OLFM2: variants seen among roughly 807,000 people sequenced by gnomAD.
The protein encoded by OLFM2 is noelin-2.
Under a neutral mutation model 43.9 loss-of-function variants are expected in OLFM2, and 20 were observed. The ratio of observed to expected loss-of-function variants is 0.46; its 90% CI spans 0.32 to 0.66. The LOEUF (loss-of-function observed/expected upper bound fraction) is 0.66. Among genes scored for constraint, OLFM2 ranks in the 30% least tolerant of loss-of-function variants. OLFM2 has a pLI of 0.04. For synonymous variants in OLFM2, 268 were observed against 278.6 expected, an observed-to-expected ratio of 0.96 and a Z score of 0.38; for missense variants, 416 against 643.6, an observed-to-expected ratio of 0.65 and a Z score of 3.83.
intron 1 of OLFM2, among the ~76,000 whole-genome samples, chr19:9,861,158 CCA>C (rs2046363061): frequency 6.6e-6 from 1 of 151,946 alleles, no homozygotes; most frequent in Non-Finnish European, 1.5e-5. Context: ...CTTCCCCAGC[CCA>C]CAGTGACATA....
intron 1 of OLFM2, among the ~76,000 whole-genome samples, chr19:9,891,097 T>C (rs908877493): frequency 1.3e-5 from 2 of 152,080 alleles, no homozygotes; most frequent in African/African-American, 4.8e-5. Flanking sequence ...GCAGATCACC[T>C]GAGGTCAGGA....
intron 1 of OLFM2, among the ~76,000 whole-genome samples, chr19:9,895,164 C>T (rs573831221): frequency 1.1e-4 from 17 of 152,222 alleles, no homozygotes; most frequent in African/African-American, 4.1e-4. Flanking sequence ...ATCTCTATCA[C>T]CATGCAATGG....
At chr19:9,886,103 G>GAA (rs71297593) in intron 1 of OLFM2, among the ~76,000 whole-genome samples, 18,264 of 148,414 alleles carry the variant, frequency 0.12, 1,294 homozygotes, top group African/African-American at 0.19. Flanking sequence ...TCTCAAAAAA[G>GAA]AAAAAAAAAA....
intron 1 of OLFM2, among the ~76,000 whole-genome samples, chr19:9,882,096 A>C (rs1228149766): frequency 6.6e-6 from 1 of 151,838 alleles, no homozygotes; most frequent in Non-Finnish European, 1.5e-5. Flanking sequence ...AAAATTAGCC[A>C]GGTGTGGTGG....
Position 9,867,624 on chromosome 19 carries a change from C to CT in OLFM2, c.64-6831dup, listed in dbSNP as rs1276848648. 3.3e-5 allele frequency among the ~76,000 whole-genome samples: 5 copies of CT among 152,242 alleles called. No individual in the cohort carries two copies. The East Asian group carries it at 9.6e-4, about 29-fold the overall frequency. Reference sequence around the variant, plus strand: ...GCCCTGCCTTGTTCCAGAGAGGACTCTAAGTGGTTTACAAGGATATGTAAA... The same window carrying CT: ...GCCCTGCCTTGTTCCAGAGAGGACTCTTAAGTGGTTTACAAGGATATGTAAA... On this transcript the variant is annotated intron_variant, in intron 1 of 5. Transcript: ENST00000264833.
In OLFM2 at chr19:9,857,137, G is replaced by A; in HGVS notation, c.580+126C>T. The A allele has an allele frequency of 1.0e-6, 1 of 987,796 alleles. No homozygotes were observed. The highest frequency in any genetic ancestry group is 1.6e-6 in the Non-Finnish European group (1 of 637,666). The allele number at this position is 987,796 out of a possible 1,614,324, so 61.2% of individuals were successfully genotyped here. ...ACTCAAGTGTAGCCTTAGGTAGGAAGGTCAAGGGTTGAGGTTTAAAAGTTA... is the reference window on the plus strand; with the variant it reads ...ACTCAAGTGTAGCCTTAGGTAGGAAAGTCAAGGGTTGAGGTTTAAAAGTTA... On this transcript the variant is annotated intron_variant, in intron 4 of 5. Transcript: ENST00000264833. This position sits in a 1 kb window ranked among gnomAD's most constrained non-coding sequence, Gnocchi z 5.7.
intron 1 of OLFM2, among the ~76,000 whole-genome samples, chr19:9,905,624 CAAAAA>C (rs55683294): frequency 1.3e-5 from 1 of 75,748 alleles, no homozygotes; most frequent in Non-Finnish European, 2.9e-5. Flanking sequence ...GACTCCATCT[CAAAAA>C]AAAAAAAAAA....
Position 9,860,628 on chromosome 19 carries a change from A to T in OLFM2, c.213+17T>A. 1 of 1,569,638 alleles carries T rather than the reference A, an allele frequency of 6.4e-7. No homozygotes were observed. The highest frequency in any genetic ancestry group is 8.6e-7 in the Non-Finnish European group (1 of 1,156,674). ...AGATTTTCCCAGCTGCCCCCAGGGT[A>T]CCTGGAAGGTTCTCACCTTCTCCAT... On this transcript the variant is annotated intron_variant, in intron 2 of 5. Transcript: ENST00000264833.
At chr19:9,905,432 G>A (rs940669889) in intron 1 of OLFM2, among the ~76,000 whole-genome samples, 2 of 151,918 alleles carry the variant, frequency 1.3e-5, no homozygotes, top group Non-Finnish European at 2.9e-5. Context: ...ATTCCAGCCT[G>A]GGCAACAGAG....
At chr19:9,913,156 T>C (rs2046842356) in intron 1 of OLFM2, among the ~76,000 whole-genome samples, 1 of 152,134 alleles carries the variant, frequency 6.6e-6, no homozygotes, top group Non-Finnish European at 1.5e-5. Flanking sequence ...TCTGCAGCCC[T>C]TGTCGCCTCC....
At chr19:9,922,756 A>G (rs1431913536) in intron 1 of OLFM2, among the ~76,000 whole-genome samples, 1 of 151,058 alleles carries the variant, frequency 6.6e-6, no homozygotes. Flanking sequence ...CGTCTCTACA[A>G]AAAAATTCGC....
chr19:9,917,532 C>A (rs991142107), intron 1 of OLFM2, among the ~76,000 whole-genome samples: 8 of 152,104 alleles, frequency 5.3e-5, no homozygotes, highest in African/African-American at 1.9e-4. Flanking sequence ...CCTGTGTCTG[C>A]TTGGGGTGGA....
intron 1 of OLFM2, among the ~76,000 whole-genome samples, chr19:9,863,725 T>C (rs1435906384): frequency 6.6e-6 from 1 of 151,006 alleles, no homozygotes; most frequent in Non-Finnish European, 1.5e-5. Flanking sequence ...CCTTTTTCTC[T>C]CCCACTCAAT....
intron 1 of OLFM2, among the ~76,000 whole-genome samples, chr19:9,904,602 A>C (rs1189972053): frequency 1.3e-5 from 2 of 151,878 alleles, no homozygotes; most frequent in Non-Finnish European, 2.9e-5. Context: ...GGCAAGCAGA[A>C]GTGGGGTTGA....
At chr19:9,899,929 T>A (rs1392798239) in intron 1 of OLFM2, among the ~76,000 whole-genome samples, 1 of 152,072 alleles carries the variant, frequency 6.6e-6, no homozygotes, top group African/African-American at 2.4e-5. Flanking sequence ...TTTATTTGTT[T>A]GTTATTGATC....
chr19:9,906,299 CA>C (rs568308970), intron 1 of OLFM2, among the ~76,000 whole-genome samples: 1,955 of 151,542 alleles, frequency 0.013, 33 homozygotes, highest in African/African-American at 0.045. Context: ...TGCGGGCACA[CA>C]GGGTGGGGGA....
At chr19:9,869,968 GACTGCTCTTGA>G (rs955665638) in intron 1 of OLFM2, among the ~76,000 whole-genome samples, 4 of 152,026 alleles carry the variant, frequency 2.6e-5, no homozygotes, top group African/African-American at 9.6e-5. Context: ...GTGCTGCCCA[GACTGCTCTTGA>G]ACTCCTGGCC....
At chr19:9,884,524 C>G (rs1229148086) in intron 1 of OLFM2, among the ~76,000 whole-genome samples, 1 of 152,124 alleles carries the variant, frequency 6.6e-6, no homozygotes, top group African/African-American at 2.4e-5. Flanking sequence ...TTGCACTGAG[C>G]CGAGATTGTG....
intron 1 of OLFM2, among the ~76,000 whole-genome samples, chr19:9,927,065 C>T (rs544665366): frequency 2.6e-4 from 40 of 152,120 alleles, no homozygotes; most frequent in African/African-American, 4.1e-4. Context: ...AGGCAGATCA[C>T]GAGGTCAGGA....
Sources: allele counts gnomAD v4.1 joint callset (sites outside exome capture counted in the v4.1 genomes callset), GRCh38; gene constraint gnomAD v4.1.1; non-coding constraint Gnocchi (gnomAD v3.1); transcripts MANE v1.5; gene names NCBI Gene and HGNC (gene_info 2026-07-23, HGNC 2026-07-21).